The following PKD1L1 variants were observed in gnomAD, a reference collection of about 807,000 sequenced individuals.
PKD1L1 encodes polycystin 1 like 1, transient receptor potential channel interacting.
Under a neutral mutation model 323.4 loss-of-function variants are expected in PKD1L1, and 236 were observed. The observed-to-expected ratio is 0.73, with a 90% CI of 0.66 to 0.81. The LOEUF (loss-of-function observed/expected upper bound fraction) is 0.81, where lower values mean the gene tolerates loss of function less well. Ranked by LOEUF, PKD1L1 falls within the 40% of genes least tolerant of loss-of-function variation. The pLI is 0.00. For missense variants in PKD1L1, 3,320 were observed against 3,508.0 expected (o/e 0.95, Z 1.35); for synonymous variants, 1,344 against 1,335.0 (o/e 1.01, Z -0.15).
At chr7:47,849,357 T>A (rs1785731392) in intron 31 of PKD1L1, among the ~76,000 whole-genome samples, 1 of 152,004 alleles carries the variant, frequency 6.6e-6, no homozygotes, top group Non-Finnish European at 1.5e-5. Flanking sequence ...TAGGACCTAG[T>A]TAAACCAAAA....
intron 55 of PKD1L1, 77 bp from the exon 56 acceptor site, chr7:47,792,874 T>G: frequency 7.4e-7 from 1 of 1,358,044 alleles, no homozygotes; most frequent in Non-Finnish European, 1.0e-6. Context: ...GTGAAGCATT[T>G]AGGGGTATCA....
In PKD1L1 at chr7:47,844,986, G is replaced by A. The variant is rs775223342; in HGVS notation, c.5237+9C>T. ...TCTATGAAGTCTTTATGTAGGAAAT[G>A]GAACTTACCTCTGTAGCTTGGAAAT... On this transcript the variant is annotated intron_variant, in intron 33 of 56. Transcript: ENST00000289672. The A allele has an allele frequency of 6.2e-7, 1 of 1,608,866 alleles. No homozygotes were observed. Among genetic ancestry groups the A allele is most frequent in the Non-Finnish European group, 8.5e-7 (1 of 1,176,012 alleles).
At chr7:47,911,452 A>G (rs1472278337) in intron 8 of PKD1L1, among the ~76,000 whole-genome samples, 1 of 152,164 alleles carries the variant, frequency 6.6e-6, no homozygotes, top group Non-Finnish European at 1.5e-5. Flanking sequence ...TAATACAAAT[A>G]CCAATTCCTT....
intron 14 of PKD1L1, among the ~76,000 whole-genome samples, chr7:47,897,785 T>C (rs1278947949): frequency 6.6e-6 from 1 of 152,230 alleles, no homozygotes; most frequent in Admixed American, 6.5e-5. Context: ...ATCAATTGCT[T>C]TGACTGCATT....
At chr7:47,833,305 A>AAAGT in intron 40 of PKD1L1, 53 bp from the exon 41 acceptor site, 1 of 1,569,950 alleles carries the variant, frequency 6.4e-7, no homozygotes, top group Non-Finnish European at 8.7e-7. Context: ...AGGGCTTCAC[A>AAAGT]CGTGACGCTC....
chr7:47,865,568 ATTATTTTATT>A (rs376413474), intron 25 of PKD1L1, among the ~76,000 whole-genome samples: 25 of 140,490 alleles, frequency 1.8e-4, no homozygotes, highest in Non-Finnish European at 2.3e-4. Context: ...CAATTTATTT[ATTATTTTATT>A]TTATTTTATT....
At chr7:47,831,999 C>A (rs950770196) in intron 41 of PKD1L1, among the ~76,000 whole-genome samples, 7 of 152,220 alleles carry the variant, frequency 4.6e-5, no homozygotes, top group Admixed American at 2.0e-4. Flanking sequence ...CCATACAGCT[C>A]TTCATACCTC....
At chr7:47,949,809 A>G (rs1175368773), upstream of PKD1L1, among the ~76,000 whole-genome samples, 1 of 152,172 alleles carries the variant, frequency 6.6e-6, no homozygotes, top group Non-Finnish European at 1.5e-5. Context: ...ATGATGAACC[A>G]AGCTACGGGT....
At chr7:47,787,714 T>G (rs1035104759) in intron 56 of PKD1L1, among the ~76,000 whole-genome samples, 2 of 152,026 alleles carry the variant, frequency 1.3e-5, no homozygotes, top group Admixed American at 1.3e-4. Context: ...TGGGACTTTG[T>G]TTTCATTTGC....
chr7:47,943,431 C>T lies in PKD1L1; in HGVS notation c.125G>A (p.Cys42Tyr), dbSNP rs747531530. ...TCCACCTCCAGGAGGGCTACAGCTG[C>T]ACAGATGAAGACCCCAGCTCTTGTC... Reference protein sequence around the residue: ...STDKSWGLHLCSCSPPGGGLW... With the variant: ...STDKSWGLHLYSCSPPGGGLW... The change falls in exon 2 of 57, where the codon TGC becomes TAC. Residue 42 changes from cysteine to tyrosine, a missense_variant. Transcript: ENST00000289672. 8 of 1,613,574 alleles carry T rather than the reference C, an allele frequency of 5.0e-6. No homozygotes were observed. The highest frequency in any genetic ancestry group is 2.2e-5 in the East Asian group (1 of 44,854).
Position 47,905,231 on chromosome 7 carries a change from C to T in PKD1L1, c.1617G>A (p.Glu539=), listed in dbSNP as rs147723651. 156 of 1,614,168 alleles carry T rather than the reference C, an allele frequency of 9.7e-5. No homozygotes were observed. The African/African-American group carries it at 2.0e-3, about 21-fold the overall frequency. The change falls in exon 11 of 57, where the codon GAG becomes GAA. Residue 539 remains glutamate (E), a synonymous_variant. Coordinates refer to ENST00000289672, the MANE Select transcript of PKD1L1 (RefSeq NM_138295.5). ...CTGGTGGATCCTCTCCAAAATACCA[C>T]TCAAATTCCAGGGGTATTGTTTCCT... ...VTKETIPLEF[E]WYFGEDPPVR... is the part of the protein sequence containing the mutation.
intron 28 of PKD1L1, among the ~76,000 whole-genome samples, chr7:47,856,802 G>A (rs988046544): frequency 1.3e-5 from 2 of 152,134 alleles, no homozygotes; most frequent in Admixed American, 6.5e-5. Flanking sequence ...TGTAAAAGAT[G>A]AGCATTTTTT....
intron 7 of PKD1L1, among the ~76,000 whole-genome samples, chr7:47,923,043 T>C (rs969840658): frequency 6.6e-6 from 1 of 152,176 alleles, no homozygotes; most frequent in African/African-American, 2.4e-5. Flanking sequence ...CCCAACCCCA[T>C]GCTCTCTGAA....
intron 46 of PKD1L1, among the ~76,000 whole-genome samples, chr7:47,820,803 T>C (rs1785124302): frequency 6.6e-6 from 1 of 151,976 alleles, no homozygotes; most frequent in African/African-American, 2.4e-5. Flanking sequence ...ATAGAAGAAC[T>C]CTGAGGTCTC....
At chr7:47,861,897 A>C (rs1194162820) in intron 26 of PKD1L1, among the ~76,000 whole-genome samples, 3 of 144,594 alleles carry the variant, frequency 2.1e-5, no homozygotes, top group South Asian at 2.2e-4. Context: ...AAAAAAAAAA[A>C]AAAAAAAAAC....
intron 33 of PKD1L1, among the ~76,000 whole-genome samples, chr7:47,843,637 C>T (rs916081366): frequency 3.3e-5 from 5 of 152,178 alleles, no homozygotes; most frequent in South Asian, 2.1e-4. Context: ...TGCCTCCCAC[C>T]GCCCCTGTGG....
intron 31 of PKD1L1, among the ~76,000 whole-genome samples, chr7:47,848,931 T>A (rs1047120215): frequency 3.3e-5 from 5 of 152,220 alleles, no homozygotes; most frequent in African/African-American, 1.2e-4. Context: ...GGCATCACAT[T>A]ACCAGACTTC....
intron 7 of PKD1L1, among the ~76,000 whole-genome samples, chr7:47,919,823 A>G (rs1787499523): frequency 6.6e-6 from 1 of 152,204 alleles, no homozygotes; most frequent in Admixed American, 6.5e-5. Context: ...GCATCCCTTT[A>G]TGATTAAAAC....
chr7:47,798,424 C>A (rs1392708098), intron 54 of PKD1L1, among the ~76,000 whole-genome samples: 1 of 152,170 alleles, frequency 6.6e-6, no homozygotes, highest in Non-Finnish European at 1.5e-5. Flanking sequence ...TAGCTTAAAA[C>A]AGATGATTAA....
Sources: allele counts gnomAD v4.1 joint callset (sites outside exome capture counted in the v4.1 genomes callset), GRCh38; gene constraint gnomAD v4.1.1; transcripts MANE v1.5; gene names NCBI Gene and HGNC (gene_info 2026-07-23, HGNC 2026-07-21).